The following EXOC4 variants were observed in gnomAD, a reference collection of about 807,000 sequenced individuals.
EXOC4 encodes SEC8-like 1.
Under a neutral mutation model 107.2 loss-of-function variants are expected in EXOC4, and 71 were observed. The observed-to-expected ratio is 0.66, with a 90% confidence interval of 0.55 to 0.81. The LOEUF (loss-of-function observed/expected upper bound fraction) is 0.81. EXOC4 is among the 30% of genes least tolerant of loss of function. The pLI is 0.00. For synonymous variants in EXOC4, 456 were observed against 441.2 expected (o/e 1.03, Z -0.42); for missense variants, 1,108 against 1,189.6 (o/e 0.93, Z 1.01).
chr7:133,921,622 T>C (rs1359106644), intron 13 of EXOC4, among the ~76,000 whole-genome samples: 2 of 152,168 alleles, frequency 1.3e-5, no homozygotes, highest in Non-Finnish European at 2.9e-5. Flanking sequence ...TTTTTGTCTT[T>C]GATTTTGTAT....
intron 11 of EXOC4, among the ~76,000 whole-genome samples, chr7:133,844,690 T>C (rs931848848): frequency 6.6e-6 from 1 of 152,078 alleles, no homozygotes; most frequent in African/African-American, 2.4e-5. Context: ...TCTTACCAGC[T>C]TGACAAATGG....
intron 17 of EXOC4, among the ~76,000 whole-genome samples, chr7:134,042,518 T>C (rs1795544076): frequency 6.7e-6 from 1 of 150,134 alleles, no homozygotes; most frequent in Admixed American, 6.6e-5. Flanking sequence ...ATGACAAATA[T>C]GGGCCATCTA....
chr7:134,046,668 C>T (rs1319084007), intron 17 of EXOC4, among the ~76,000 whole-genome samples: 3 of 151,878 alleles, frequency 2.0e-5, no homozygotes, highest in Admixed American at 6.6e-5. Flanking sequence ...CAGTTACCTG[C>T]GTTCGTTAAT....
At chr7:133,716,270 C>CT (rs1794996346) in intron 10 of EXOC4, among the ~76,000 whole-genome samples, 1 of 152,186 alleles carries the variant, frequency 6.6e-6, no homozygotes, top group Admixed American at 6.5e-5. Context: ...ACATGGGACT[C>CT]TGTCTTTAAG....
chr7:134,000,157 C>T (rs145593925), intron 15 of EXOC4, among the ~76,000 whole-genome samples: 2 of 152,200 alleles, frequency 1.3e-5, no homozygotes, highest in African/African-American at 4.8e-5. Flanking sequence ...GAGTATGCTC[C>T]ATTTTGTCTT....
At chr7:134,075,484 T>C in the EXOC4 span, among the ~76,000 whole-genome samples, 1 of 152,148 alleles carries the variant, frequency 6.6e-6, no homozygotes, top group African/African-American at 2.4e-5. Flanking sequence ...TTGTCTTAGA[T>C]GGCAGCAGGT....
chr7:133,268,590 A>G (rs1420687892), intron 1 of EXOC4, among the ~76,000 whole-genome samples: 2 of 152,162 alleles, frequency 1.3e-5, no homozygotes, highest in Non-Finnish European at 2.9e-5. Context: ...GTGACTGATT[A>G]TTTTCCTTTC....
chr7:133,327,679 C>G (rs529918030), intron 5 of EXOC4, among the ~76,000 whole-genome samples: 4 of 152,116 alleles, frequency 2.6e-5, no homozygotes, highest in African/African-American at 9.6e-5. Context: ...TTATTTCTGC[C>G]TTCATTTTGT....
At chr7:133,879,791 G>A (rs1287809368) in intron 11 of EXOC4, among the ~76,000 whole-genome samples, 1 of 151,892 alleles carries the variant, frequency 6.6e-6, no homozygotes, top group Non-Finnish European at 1.5e-5. Context: ...TCTTTTTTAA[G>A]CCAGAGAATT....
intron 13 of EXOC4, among the ~76,000 whole-genome samples, chr7:133,918,181 A>C (rs1862872): frequency 0.62 from 93,780 of 151,700 alleles, 31,341 homozygotes; most frequent in African/African-American, 0.89. Context: ...GGGGTTTCAC[A>C]GTGTTAGCCA....
At chr7:133,747,264 TCTG>T (rs1795696215) in intron 10 of EXOC4, among the ~76,000 whole-genome samples, 1 of 152,154 alleles carries the variant, frequency 6.6e-6, no homozygotes, top group Admixed American at 6.6e-5. Flanking sequence ...TATATTAAGA[TCTG>T]TTGTTTAATA....
chr7:133,456,688 G>A (rs1415487465), intron 7 of EXOC4, among the ~76,000 whole-genome samples: 1 of 152,176 alleles, frequency 6.6e-6, no homozygotes, highest in Admixed American at 6.5e-5. Flanking sequence ...TGCAGCTCCT[G>A]CCAGTATGGA....
At chr7:133,410,467 A>G (rs1797331991) in intron 7 of EXOC4, among the ~76,000 whole-genome samples, 2 of 151,950 alleles carry the variant, frequency 1.3e-5, no homozygotes, top group Middle Eastern at 3.4e-3. Context: ...GCCTTATTTT[A>G]TCTGATTTAT....
intron 17 of EXOC4, among the ~76,000 whole-genome samples, chr7:134,050,704 G>T (rs1279703157): frequency 6.6e-6 from 1 of 152,156 alleles, no homozygotes; most frequent in East Asian, 1.9e-4. Context: ...TTGAATGGCA[G>T]GTTGAAGCAG....
chr7:133,343,058 AGTGAGCTACT>A (rs1461057604), intron 5 of EXOC4, among the ~76,000 whole-genome samples: 1 of 152,066 alleles, frequency 6.6e-6, no homozygotes, highest in Non-Finnish European at 1.5e-5. Flanking sequence ...ATCCATTGCT[AGTGAGCTACT>A]GTGATCTTTT....
chr7:133,414,165 A>G (rs1388703822), intron 7 of EXOC4, among the ~76,000 whole-genome samples: 1 of 152,184 alleles, frequency 6.6e-6, no homozygotes, highest in Non-Finnish European at 1.5e-5. Context: ...AAAATGGATA[A>G]AGAATATGAC....
intron 10 of EXOC4, among the ~76,000 whole-genome samples, chr7:133,697,292 A>C (rs929159095): frequency 2.0e-5 from 3 of 152,246 alleles, no homozygotes; most frequent in Admixed American, 6.5e-5. Flanking sequence ...CAAGAAAAAA[A>C]TAGAAATTGG....
chr7:133,650,126 T>G (rs1366026086), intron 10 of EXOC4, among the ~76,000 whole-genome samples: 1 of 152,072 alleles, frequency 6.6e-6, no homozygotes, highest in Non-Finnish European at 1.5e-5. Flanking sequence ...ATTTTTCAGT[T>G]TGGTAATTTA....
chr7:133,270,128 T>A (rs949299448), intron 1 of EXOC4, among the ~76,000 whole-genome samples: 1 of 152,124 alleles, frequency 6.6e-6, no homozygotes, highest in African/African-American at 2.4e-5. Context: ...TTAGACAGGG[T>A]AGTCCCTGCA....
Sources: gnomAD v4.1 joint callset for allele counts (sites outside exome capture counted in the v4.1 genomes callset) on GRCh38, gnomAD v4.1.1 for gene constraint, MANE v1.5 for transcripts, NCBI Gene and HGNC (gene_info 2026-07-23, HGNC 2026-07-21) for gene names.